Variants in OR6N1 observed in about 807,000 individuals in gnomAD.
OR6N1 encodes the protein olfactory receptor 6N1.
For missense variants in OR6N1, 394 were observed against 371.7 expected (o/e 1.06, Z -0.49); for synonymous variants, 170 against 150.7 (o/e 1.13, Z -0.94).
At chr1:158,831,327 T>A in the OR6N1 span, 1 of 152,198 alleles carries the variant, frequency 6.6e-6, no homozygotes, top group Non-Finnish European at 1.5e-5. Flanking sequence ...ATTACATAAC[T>A]TCTTTCTAGT....
At chr1:158,819,132 C>G in the OR6N1 span, among the ~76,000 whole-genome samples, 4 of 152,204 alleles carry the variant, frequency 2.6e-5, no homozygotes, top group Admixed American at 6.5e-5. Flanking sequence ...TCTTCAGAGA[C>G]CACCCCCTCC....
chr1:158,766,139 G>A lies in OR6N1; in HGVS notation c.544C>T (p.Pro182Ser). Residue 182 changes from proline to serine, a missense_variant, in exon 2 of 2, where the codon CCT becomes TCT. Transcript: ENST00000641846. Reference sequence around the variant, plus strand: ...GTGCAAGCCAAACTCAGCACAGGAGGGAAGTCACAAAAGACGTGCTGAATG... The same window carrying A: ...GTGCAAGCCAAACTCAGCACAGGAGAGAAGTCACAAAAGACGTGCTGAATG... ...NRIQHVFCDF[P>S]PVLSLACTDT... is the part of the protein sequence containing the mutation. 1.2e-6 allele frequency: 2 copies of A among 1,614,148 alleles called. No homozygotes were observed. Among genetic ancestry groups the A allele is most frequent in the Non-Finnish European group, 1.7e-6 (2 of 1,180,032 alleles).
the OR6N1 span, among the ~76,000 whole-genome samples, chr1:158,783,307 T>C: frequency 1.3e-5 from 2 of 152,254 alleles, no homozygotes; most frequent in African/African-American, 4.8e-5. Context: ...TACGTTGAAG[T>C]GCCCTCAGCA....
the OR6N1 span, among the ~76,000 whole-genome samples, chr1:158,840,112 G>A: frequency 9.2e-5 from 14 of 152,260 alleles, no homozygotes; most frequent in East Asian, 2.5e-3. Context: ...TGTAGGCACT[G>A]CAAGTGTCCC....
chr1:158,818,385 A>T, the OR6N1 span, among the ~76,000 whole-genome samples: 5 of 152,198 alleles, frequency 3.3e-5, no homozygotes, highest in African/African-American at 4.8e-5. Flanking sequence ...AATGGGATTT[A>T]AAAAAGGGTC....
At chr1:158,803,226 G>T in the OR6N1 span, among the ~76,000 whole-genome samples, 2 of 152,156 alleles carry the variant, frequency 1.3e-5, no homozygotes, top group Non-Finnish European at 2.9e-5. Context: ...CAAAGGAAAG[G>T]AAGATATTTG....
the OR6N1 span, among the ~76,000 whole-genome samples, chr1:158,804,440 G>A: frequency 6.6e-6 from 1 of 152,190 alleles, no homozygotes; most frequent in African/African-American, 2.4e-5. Context: ...AACTGGTTCT[G>A]TGGTTACACT....
At chr1:158,806,657 A>G in the OR6N1 span, among the ~76,000 whole-genome samples, 1 of 152,106 alleles carries the variant, frequency 6.6e-6, no homozygotes, top group East Asian at 1.9e-4. Context: ...AATACTTAGT[A>G]TGTGTTATTT....
At chr1:158,783,621 T>C in the OR6N1 span, among the ~76,000 whole-genome samples, 1 of 152,328 alleles carries the variant, frequency 6.6e-6, no homozygotes, top group East Asian at 1.9e-4. Flanking sequence ...CATTGCATCC[T>C]GGTCATTCTT....
the OR6N1 span, among the ~76,000 whole-genome samples, chr1:158,813,165 A>G: frequency 6.6e-6 from 1 of 152,248 alleles, no homozygotes; most frequent in African/African-American, 2.4e-5. Flanking sequence ...TGCATTGCTT[A>G]TAGGAGTACA....
At chr1:158,810,121 C>T in the OR6N1 span, among the ~76,000 whole-genome samples, 1 of 152,274 alleles carries the variant, frequency 6.6e-6, no homozygotes, top group South Asian at 2.1e-4. Context: ...TTTCCTAAGA[C>T]TCTTACAACA....
At chr1:158,778,025 T>C in the OR6N1 span, among the ~76,000 whole-genome samples, 457 of 152,338 alleles carry the variant, frequency 3.0e-3, 2 homozygotes, top group African/African-American at 0.011. Flanking sequence ...TCTAGCTCTA[T>C]ACTATATGAC....
At chr1:158,787,931 C>T in the OR6N1 span, among the ~76,000 whole-genome samples, 3 of 152,128 alleles carry the variant, frequency 2.0e-5, no homozygotes, top group Admixed American at 6.5e-5. Flanking sequence ...ACTCAGAAGA[C>T]GCAGGCAGTG....
the OR6N1 span, among the ~76,000 whole-genome samples, chr1:158,797,560 C>T: frequency 6.6e-6 from 1 of 151,974 alleles, no homozygotes; most frequent in Non-Finnish European, 1.5e-5. Flanking sequence ...GGTAGTGGAG[C>T]CAGGTTGCTT....
the OR6N1 span, among the ~76,000 whole-genome samples, chr1:158,817,057 CTT>C: frequency 6.6e-6 from 1 of 152,078 alleles, no homozygotes; most frequent in Non-Finnish European, 1.5e-5. Context: ...ATAATCCTCT[CTT>C]AGAATGAAGA....
At chr1:158,798,760 T>C in the OR6N1 span, among the ~76,000 whole-genome samples, 1 of 152,288 alleles carries the variant, frequency 6.6e-6, no homozygotes, top group Admixed American at 6.5e-5. Flanking sequence ...TTGCCTGGTG[T>C]TTTTATTCCT....
chr1:158,782,951 T>G, the OR6N1 span, among the ~76,000 whole-genome samples: 2 of 152,150 alleles, frequency 1.3e-5, no homozygotes, highest in African/African-American at 4.8e-5. Context: ...ACATAGTAAG[T>G]GATTCATAAA....
the OR6N1 span, among the ~76,000 whole-genome samples, chr1:158,815,655 T>C: frequency 2.6e-5 from 4 of 152,324 alleles, no homozygotes; most frequent in South Asian, 4.1e-4. Context: ...TGAATTTCCA[T>C]TGTAGAAATT....
At chr1:158,802,371 C>A in the OR6N1 span, among the ~76,000 whole-genome samples, 2 of 151,940 alleles carry the variant, frequency 1.3e-5, no homozygotes, top group Admixed American at 6.6e-5. Flanking sequence ...CCACACCCAG[C>A]TAATTTTTTG....
Sources: allele counts gnomAD v4.1 joint callset (sites outside exome capture counted in the v4.1 genomes callset), GRCh38; gene constraint gnomAD v4.1.1; transcripts MANE v1.5; gene names NCBI Gene and HGNC (gene_info 2026-07-23, HGNC 2026-07-21).